The following GABBR2 variants were observed in gnomAD, a reference collection of about 807,000 sequenced individuals.
GABBR2 encodes the protein G-protein coupled receptor 51.
In GABBR2, 23 loss-of-function variants were observed where a neutral mutation model predicts 105.6. The ratio of observed to expected loss-of-function variants is 0.22; its 90% CI spans 0.16 to 0.31. The LOEUF is 0.31. Ranked by LOEUF, GABBR2 falls within the 10% of genes least tolerant of loss-of-function variation. The pLI, the probability that GABBR2 is intolerant of heterozygous loss-of-function variation, is 1.00. For missense variants in GABBR2, 734 were observed against 1,245.5 expected, an observed-to-expected ratio of 0.59 and a Z score of 6.18; for synonymous variants, 478 against 499.7, an observed-to-expected ratio of 0.96 and a Z score of 0.58.
At chr9:98,604,447 G>A (rs1829382999) in intron 1 of GABBR2, among the ~76,000 whole-genome samples, 1 of 152,096 alleles carries the variant, frequency 6.6e-6, no homozygotes, top group African/African-American at 2.4e-5. Flanking sequence ...GCCATCCTTT[G>A]GGCTCCGAAT....
chr9:98,462,267 G>A (rs1826437327), intron 6 of GABBR2, among the ~76,000 whole-genome samples: 1 of 151,802 alleles, frequency 6.6e-6, no homozygotes, highest in South Asian at 2.1e-4. Flanking sequence ...CTTAAACAAG[G>A]CATAAATATA....
chr9:98,669,777 G>A (rs1830384046), intron 1 of GABBR2, among the ~76,000 whole-genome samples: 1 of 152,080 alleles, frequency 6.6e-6, no homozygotes, highest in Non-Finnish European at 1.5e-5. Context: ...TGAGGATGCA[G>A]AACAGACTAG....
chr9:98,579,003 T>A (rs1053220118), intron 1 of GABBR2, among the ~76,000 whole-genome samples: 1 of 152,006 alleles, frequency 6.6e-6, no homozygotes, highest in Non-Finnish European at 1.5e-5. Context: ...AGAGTTTCAG[T>A]GGGGATGATG....
At chr9:98,557,791 C>A (rs1828611100) in intron 2 of GABBR2, among the ~76,000 whole-genome samples, 1 of 152,144 alleles carries the variant, frequency 6.6e-6, no homozygotes, top group African/African-American at 2.4e-5. Flanking sequence ...TCATTCATGG[C>A]ATTTAGATAA....
chr9:98,325,045 A>T (rs12115833), intron 13 of GABBR2, among the ~76,000 whole-genome samples: 1,890 of 152,064 alleles, frequency 0.012, 37 homozygotes, highest in African/African-American at 0.044. Flanking sequence ...CTTCTCTCAT[A>T]TCTCTTCCTT....
intron 1 of GABBR2, among the ~76,000 whole-genome samples, chr9:98,700,644 C>T (rs1280540830): frequency 1.3e-5 from 2 of 152,204 alleles, no homozygotes; most frequent in African/African-American, 4.8e-5. Flanking sequence ...GCATCTCCTT[C>T]CTGAAGGACC....
rs548421593 is a variant in GABBR2, at chr9:98,405,227, T to C, written c.1297+854A>G. ...TGGGGGTTCATGATGCTGTTCTCTC[T>C]ACTTTAGAGTCTGTTTGAACATCTC... On this transcript the variant is annotated intron_variant, in intron 8 of 18. Coordinates refer to ENST00000259455, the MANE Select transcript of GABBR2 (RefSeq NM_005458.8). Among the ~76,000 whole-genome samples the C allele has an allele frequency of 3.9e-4, 60 of 152,322 alleles. No individual in the cohort carries two copies. The South Asian group carries it at 0.012, about 32-fold the overall frequency.
chr9:98,291,665 G>A (rs1830304748), intron 18 of GABBR2, among the ~76,000 whole-genome samples: 1 of 152,212 alleles, frequency 6.6e-6, no homozygotes, highest in African/African-American at 2.4e-5. Context: ...TTTTCCAGGT[G>A]AATCTTCCAT....
At chr9:98,419,952 A>C (rs1832753284) in intron 7 of GABBR2, among the ~76,000 whole-genome samples, 1 of 151,996 alleles carries the variant, frequency 6.6e-6, no homozygotes, top group Non-Finnish European at 1.5e-5. Flanking sequence ...GGCATCCCCA[A>C]ACTGAGGGAT....
At chr9:98,391,615 T>C (rs1832182308) in intron 9 of GABBR2, among the ~76,000 whole-genome samples, 1 of 152,144 alleles carries the variant, frequency 6.6e-6, no homozygotes, top group South Asian at 2.1e-4. Context: ...TAGTTGGCTG[T>C]TGGCCAGGAA....
At chr9:98,569,700 G>A (rs959888122) in intron 2 of GABBR2, among the ~76,000 whole-genome samples, 1 of 152,294 alleles carries the variant, frequency 6.6e-6, no homozygotes, top group Non-Finnish European at 1.5e-5. Context: ...ACTTTGGCAA[G>A]GCCCCTACCC....
chr9:98,590,126 C>G (rs1829126862), intron 1 of GABBR2, among the ~76,000 whole-genome samples: 1 of 152,194 alleles, frequency 6.6e-6, no homozygotes, highest in Admixed American at 6.5e-5. Context: ...TAAATTACTG[C>G]TGCCTGGCAG....
In GABBR2 at chr9:98,300,678, C is replaced by A. The variant is rs147460024; in HGVS notation, c.2413-1325G>T. Reference sequence around the variant, plus strand: ...GTTGGGGCATTTTAGGCCTCAGGAGCGGGCCTCATGAAACAGAATCACTCT... The same window carrying A: ...GTTGGGGCATTTTAGGCCTCAGGAGAGGGCCTCATGAAACAGAATCACTCT... On this transcript the variant is annotated intron_variant, in intron 16 of 18. Transcript: ENST00000259455. Among the ~76,000 whole-genome samples the A allele has an allele frequency of 2.0e-4, 31 of 152,230 alleles. No individual in the cohort carries two copies. In the East Asian group the frequency reaches 4.2e-3, roughly 21 times the overall value.
intron 1 of GABBR2, among the ~76,000 whole-genome samples, chr9:98,589,414 A>G (rs1276027334): frequency 6.6e-6 from 1 of 152,230 alleles, no homozygotes. Context: ...AATAACTTTC[A>G]TGCATGAAAC....
chr9:98,370,080 A>G (rs1352992873), intron 12 of GABBR2, among the ~76,000 whole-genome samples: 3 of 152,070 alleles, frequency 2.0e-5, no homozygotes, highest in Non-Finnish European at 4.4e-5. Flanking sequence ...GGATGGAACA[A>G]AAGAGAGGCA....
chr9:98,461,046 T>C (rs188389491), intron 6 of GABBR2, among the ~76,000 whole-genome samples: 2 of 152,268 alleles, frequency 1.3e-5, no homozygotes, highest in East Asian at 3.9e-4. Flanking sequence ...ATCTAGTCAA[T>C]ACATCTCTCA....
At chr9:98,479,389 G>C (rs115851583) in intron 5 of GABBR2, among the ~76,000 whole-genome samples, 1,603 of 152,226 alleles carry the variant, frequency 0.011, 33 homozygotes, top group African/African-American at 0.037. Flanking sequence ...GAGAAACTGG[G>C]GCTCAGAGAG....
chr9:98,477,957 C>T (rs1190329403), intron 5 of GABBR2, among the ~76,000 whole-genome samples: 7 of 152,238 alleles, frequency 4.6e-5, no homozygotes, highest in South Asian at 2.1e-4. Flanking sequence ...TGTAAAGCGA[C>T]CTGATTGAGG....
At chr9:98,486,785 C>T (rs1242297981) in intron 4 of GABBR2, among the ~76,000 whole-genome samples, 1 of 152,196 alleles carries the variant, frequency 6.6e-6, no homozygotes, top group Admixed American at 6.5e-5. Context: ...TCCTGTGCCC[C>T]AACTGTCTGG....
Sources: allele counts gnomAD v4.1 joint callset (sites outside exome capture counted in the v4.1 genomes callset), GRCh38; gene constraint gnomAD v4.1.1; transcripts MANE v1.5; gene names NCBI Gene and HGNC (gene_info 2026-07-23, HGNC 2026-07-21).